IFIH1: variants seen among roughly 807,000 people sequenced by gnomAD.
IFIH1 encodes the protein interferon induced with helicase C domain 1.
IFIH1 carries 125 observed loss-of-function variants against 107.4 expected under a neutral mutation model. The observed-to-expected ratio is 1.16, with a 90% CI of 1.01 to 1.35. The LOEUF is 1.35. Ranked by LOEUF, IFIH1 falls within the 40% of genes most tolerant of loss-of-function variation. IFIH1 has a pLI of 0.00. For missense variants in IFIH1, 1,333 were observed against 1,213.7 expected (o/e 1.10, Z -1.46); for synonymous variants, 458 against 413.2 (o/e 1.11, Z -1.31).
Position 162,314,398 on chromosome 2 carries a change from C to CCCTT in IFIH1, c.453+3456_453+3457insAAGG, listed in dbSNP as rs1379199620. On this transcript the variant is annotated intron_variant, in intron 1 of 15. Coordinates refer to ENST00000649979, the MANE Select transcript of IFIH1 (RefSeq NM_022168.4). ...TCCCTCCCTCCCTCCCTCCCTCCCT[C>CCCTT]CTTTCTTTCTTTCTTTCTTTTCTTT... Among the ~76,000 whole-genome samples the CCCTT allele has an allele frequency of 2.3e-3, 154 of 67,010 alleles. 7 individuals are homozygous for CCCTT. Among genetic ancestry groups the CCCTT allele is most frequent in the Admixed American group, 3.9e-3 (29 of 7,528 alleles). 44.0% of individuals were successfully genotyped at this position (67,010 alleles called of 152,430 possible).
intron 8 of IFIH1, 68 bp from the exon 9 acceptor site, chr2:162,278,396 G>T: frequency 6.0e-6 from 5 of 832,384 alleles, no homozygotes; most frequent in Non-Finnish European, 9.1e-6. Flanking sequence ...ATCTTTGTTA[G>T]AATAATTTCT....
chr2:162,278,207 T>C lies in IFIH1; in HGVS notation c.1763A>G (p.Lys588Arg). 1 of 1,603,100 alleles carries C rather than the reference T, an allele frequency of 6.2e-7. No homozygotes were observed. Among genetic ancestry groups the C allele is most frequent in the African/African-American group, 1.3e-5 (1 of 74,246 alleles). The change falls in exon 9 of 16, where the codon AAA (lysine) becomes AGA (arginine). Residue 588 changes from lysine (K) to arginine (R), a missense_variant and splice_region_variant. Transcript: ENST00000649979. Reference protein sequence around the residue: ...YEQWAIQMEKKAAKEGNRKER... With the variant: ...YEQWAIQMEKRAAKEGNRKER... The stretch of plus-strand genomic sequence containing the variant: ...TGTTAGGTCCAAACCTAAATTACCT[T>C]TTTTTTCCATTTGAATGGCCCATTG...
chr2:162,288,296 G>A lies in IFIH1; in HGVS notation c.934C>T (p.Gln312Ter). Residue 312 changes from glutamine (Q) to a stop codon, truncating the protein, a stop_gained, in exon 5 of 16, where the codon CAA (glutamine) becomes TAA (stop). Transcript: ENST00000649979. LOFTEE classifies it high-confidence loss of function. ...AAGGCTGGCTGGGCAACTTCCATTT[G>A]GTAAGGCCTGAGCTGGAGTTCTGGC... The part of the protein sequence containing the change: ...PEPELQLRPY[Q>*]MEVAQPALEG... 1 of 1,612,780 alleles carries A rather than the reference G, an allele frequency of 6.2e-7. No homozygotes were observed. The highest frequency in any genetic ancestry group is 2.2e-5 in the East Asian group (1 of 44,826).
rs1682829536 is a variant in IFIH1 at position 162,282,519 on chromosome 2, A to G, written c.1153T>C (p.Tyr385His). The G allele has an allele frequency of 6.2e-7, 1 of 1,611,752 alleles. No individual in the cohort carries two copies. The change falls in exon 6 of 16, where the codon TAT becomes CAT. Residue 385 changes from tyrosine to histidine, a missense_variant. Tyr to His is a moderately conservative substitution (Grantham distance 83). Transcript: ENST00000649979. Reference sequence around the variant, plus strand: ...TCACCACTTAATCCAATAACACGATACCATTTCTTCAAAAATGGTTGGAAC... The same window carrying G: ...TCACCACTTAATCCAATAACACGATGCCATTTCTTCAAAAATGGTTGGAAC... ...KEFQPFLKKW[Y>H]RVIGLSGDTQ...
In IFIH1 at chr2:162,314,055, C is replaced by G. The variant is rs533190225; in HGVS notation, c.454-3122G>C. 5.3e-5 allele frequency among the ~76,000 whole-genome samples: 8 copies of G among 152,232 alleles called. No individual in the cohort carries two copies. The East Asian group carries it at 1.5e-3, about 29-fold the overall frequency. ...GGATGAAACATGCATCTCTCTTTAG[C>G]TGTTCAGCTTGATTATTAAGACACT... On this transcript the variant is annotated intron_variant, in intron 1 of 15. Transcript: ENST00000649979.
At chr2:162,305,969 T>C (rs1683274484) in intron 3 of IFIH1, among the ~76,000 whole-genome samples, 1 of 152,184 alleles carries the variant, frequency 6.6e-6, no homozygotes, top group Non-Finnish European at 1.5e-5. Context: ...CCACAGAGAC[T>C]AGCAAATGCT....
At chr2:162,308,356 G>GC (rs1482536276) in intron 2 of IFIH1, among the ~76,000 whole-genome samples, 1 of 151,566 alleles carries the variant, frequency 6.6e-6, no homozygotes, top group African/African-American at 2.4e-5. Context: ...TCAGATTAAG[G>GC]CCCCATTCTT....
chr2:162,311,936 G>T (rs1683391262), intron 1 of IFIH1, among the ~76,000 whole-genome samples: 2 of 152,086 alleles, frequency 1.3e-5, no homozygotes, highest in Admixed American at 6.6e-5. Context: ...ACCCCTAAAA[G>T]ATTATGATTT....
In IFIH1 at chr2:162,306,882, A is replaced by G. The variant is rs540482897; in HGVS notation, c.623-27T>C. 1.3e-5 allele frequency: 21 copies of G among 1,608,678 alleles called. No homozygotes were observed. In the East Asian group the frequency reaches 2.0e-4, roughly 15 times the overall value. On this transcript the variant is annotated intron_variant, in intron 2 of 15. Transcript: ENST00000649979. The stretch of plus-strand genomic sequence containing the variant: ...TGTGAATAACAGTATTAGAATGCAA[A>G]TCATAGTGCCATACAAGTTTTTGTA...
At chr2:162,298,796 A>G (rs1683142867) in intron 3 of IFIH1, among the ~76,000 whole-genome samples, 1 of 152,056 alleles carries the variant, frequency 6.6e-6, no homozygotes, top group African/African-American at 2.4e-5. Flanking sequence ...GCGCGCACAC[A>G]CACACACACA....
At chr2:162,305,256 T>G (rs1162635954) in intron 3 of IFIH1, among the ~76,000 whole-genome samples, 1 of 152,184 alleles carries the variant, frequency 6.6e-6, no homozygotes, top group Non-Finnish European at 1.5e-5. Context: ...TTGCAATGCA[T>G]GCATATTACT....
At chr2:162,295,876 GATGGGGAAAATGTCATTGCA>G (rs1165500223) in intron 3 of IFIH1, among the ~76,000 whole-genome samples, 1 of 151,980 alleles carries the variant, frequency 6.6e-6, no homozygotes, top group African/African-American at 2.4e-5. Context: ...TGTAAAATGA[GATGGGGAAAATGTCATTGCA>G]AGAGTAATTC....
intron 3 of IFIH1, among the ~76,000 whole-genome samples, chr2:162,296,829 A>T (rs771815641): frequency 6.6e-6 from 1 of 152,116 alleles, no homozygotes; most frequent in Non-Finnish European, 1.5e-5. Flanking sequence ...TCTGCACTCA[A>T]ATAAAAAGAA....
intron 13 of IFIH1, among the ~76,000 whole-genome samples, chr2:162,271,428 C>A (rs1164939865): frequency 7.2e-6 from 1 of 138,520 alleles, no homozygotes; most frequent in East Asian, 2.1e-4. Flanking sequence ...GGACACAGGG[C>A]TGGGAACATT....
chr2:162,314,398 C>CCCTTCTTTCTTTCTTT (rs1379199620), intron 1 of IFIH1, among the ~76,000 whole-genome samples: 1 of 67,020 alleles, frequency 1.5e-5, no homozygotes, highest in African/African-American at 8.3e-5. Context: ...CTCCCTCCCT[C>CCCTTCTTTCTTTCTTT]CTTTCTTTCT....
chr2:162,282,161 A>G (rs2105202764), intron 6 of IFIH1, among the ~76,000 whole-genome samples: 1 of 152,112 alleles, frequency 6.6e-6, no homozygotes, highest in East Asian at 1.9e-4. Context: ...TGCTTGCCTT[A>G]ATAATGGTAT....
intron 3 of IFIH1, among the ~76,000 whole-genome samples, chr2:162,295,787 A>C (rs1021577121): frequency 6.6e-6 from 1 of 151,960 alleles, no homozygotes; most frequent in Non-Finnish European, 1.5e-5. Flanking sequence ...CGAATGTGGG[A>C]TAGAACTGTC....
Position 162,277,503 on chromosome 2 carries a change from CTCA to C in IFIH1, c.1953_1955del (p.Asp651del). ...CCTCATCTTCATCACCATCACAATA[CTCA>C]TCATCACCACCCTCATCACTATCAT... On this transcript the variant is annotated inframe_deletion, in exon 10 of 16. Coordinates refer to ENST00000649979, the MANE Select transcript of IFIH1 (RefSeq NM_022168.4). 3.8e-6 allele frequency: 6 copies of C among 1,580,268 alleles called. No individual in the cohort carries two copies. The highest frequency in any genetic ancestry group is 1.3e-5 in the African/African-American group (1 of 74,336).
chr2:162,288,391 C>T (rs368063224), intron 4 of IFIH1, 36 bp from the exon 5 acceptor site: 1 of 1,511,388 alleles, frequency 6.6e-7, no homozygotes, highest in Non-Finnish European at 9.2e-7. Flanking sequence ...AGAGAAGGGA[C>T]AACAAAATAA....
Sources: gnomAD v4.1 joint callset for allele counts (sites outside exome capture counted in the v4.1 genomes callset) on GRCh38, gnomAD v4.1.1 for gene constraint, MANE v1.5 for transcripts, NCBI Gene and HGNC (gene_info 2026-07-23, HGNC 2026-07-21) for gene names.